The following FHOD3 variants were observed in gnomAD, a reference collection of about 807,000 sequenced individuals.
FHOD3 encodes FH1/FH2 domain-containing protein 3.
FHOD3 carries 90 observed loss-of-function variants against 173.0 expected under a neutral mutation model. That is an observed-to-expected ratio of 0.52 (90% CI 0.44 to 0.62). FHOD3 has a LOEUF of 0.62. Among genes scored for constraint, FHOD3 ranks in the 20% least tolerant of loss-of-function variants. FHOD3 has a pLI of 0.00. For synonymous variants in FHOD3, 828 were observed against 823.0 expected, an observed-to-expected ratio of 1.01 and a Z score of -0.10; for missense variants, 1,945 against 2,034.7, an observed-to-expected ratio of 0.96 and a Z score of 0.85.
intron 5 of FHOD3, among the ~76,000 whole-genome samples, chr18:36,554,830 T>C (rs1400706746): frequency 6.6e-6 from 1 of 152,242 alleles, no homozygotes; most frequent in Non-Finnish European, 1.5e-5. Flanking sequence ...CTCTAAGGAA[T>C]TTAAGCATTT....
chr18:36,566,042 A>G (rs2058251642), intron 5 of FHOD3, among the ~76,000 whole-genome samples: 1 of 152,234 alleles, frequency 6.6e-6, no homozygotes, highest in Non-Finnish European at 1.5e-5. Context: ...TACAGAACAC[A>G]TGCAACCTTA....
intron 3 of FHOD3, among the ~76,000 whole-genome samples, chr18:36,488,630 G>T (rs1292928816): frequency 1.3e-5 from 2 of 152,236 alleles, no homozygotes; most frequent in East Asian, 3.9e-4. Flanking sequence ...TCTTTACTGA[G>T]TATCTAGCTT....
At chr18:36,368,896 C>T (rs2047029570) in intron 2 of FHOD3, among the ~76,000 whole-genome samples, 1 of 152,096 alleles carries the variant, frequency 6.6e-6, no homozygotes, top group Non-Finnish European at 1.5e-5. Context: ...GATCCAATCA[C>T]CCCCCACCAG....
intron 3 of FHOD3, among the ~76,000 whole-genome samples, chr18:36,392,299 C>A (rs907775779): frequency 6.6e-6 from 1 of 152,186 alleles, no homozygotes; most frequent in Non-Finnish European, 1.5e-5. Flanking sequence ...CAATGCATAA[C>A]ACATGATGGG....
chr18:36,698,362 G>A (rs1339641234), intron 17 of FHOD3, among the ~76,000 whole-genome samples: 1 of 152,168 alleles, frequency 6.6e-6, no homozygotes, highest in African/African-American at 2.4e-5. Context: ...TCTGAAGTGT[G>A]TCTTCTTGCA....
Position 36,460,078 on chromosome 18 carries a change from CT to C in FHOD3, c.338-41851del, listed in dbSNP as rs1311830253. The stretch of plus-strand genomic sequence containing the variant: ...CTCATCATTAGAATGGGGTTATATG[CT>C]TTCTAATGTGCCATTCTCACCACAT... On this transcript the variant is annotated intron_variant, in intron 3 of 28. Coordinates refer to ENST00000590592, the MANE Select transcript of FHOD3 (RefSeq NM_001281740.3). Among the ~76,000 whole-genome samples the C allele has an allele frequency of 1.4e-4, 22 of 152,278 alleles. 1 individual carries two copies. In the South Asian group the frequency reaches 4.4e-3, roughly 30 times the overall value.
intron 5 of FHOD3, among the ~76,000 whole-genome samples, chr18:36,529,061 G>A (rs1398636019): frequency 1.3e-5 from 2 of 152,212 alleles, no homozygotes; most frequent in African/African-American, 2.4e-5. Context: ...AGGGCAGATG[G>A]CAGCATTTTC....
intron 6 of FHOD3, among the ~76,000 whole-genome samples, chr18:36,584,742 A>G (rs2058969507): frequency 6.6e-6 from 1 of 152,204 alleles, no homozygotes; most frequent in Non-Finnish European, 1.5e-5. Flanking sequence ...GTTCATGATC[A>G]GCTTGAATAA....
intron 2 of FHOD3, among the ~76,000 whole-genome samples, chr18:36,359,692 G>A (rs956113679): frequency 3.5e-4 from 54 of 152,168 alleles, no homozygotes; most frequent in African/African-American, 1.2e-3. Context: ...TAGCATAATG[G>A]TTAGGGACAC....
chr18:36,454,771 C>T (rs878912), intron 3 of FHOD3, among the ~76,000 whole-genome samples: 41,303 of 151,708 alleles, frequency 0.27, 9,132 homozygotes, highest in African/African-American at 0.58. Flanking sequence ...CCTGGCTCTT[C>T]GGCATGGGGG....
intron 5 of FHOD3, among the ~76,000 whole-genome samples, chr18:36,551,359 TG>T (rs2057646801): frequency 6.6e-6 from 1 of 152,178 alleles, no homozygotes; most frequent in Non-Finnish European, 1.5e-5. Flanking sequence ...TTGATTTTGT[TG>T]TGGCAATGCT....
chr18:36,446,616 G>A (rs549550893), intron 3 of FHOD3, among the ~76,000 whole-genome samples: 36 of 152,096 alleles, frequency 2.4e-4, no homozygotes, highest in Admixed American at 3.3e-4. Flanking sequence ...AGCTGCAGCT[G>A]GGGAGGTCAT....
chr18:36,571,879 A>C (rs1024708179), intron 5 of FHOD3, among the ~76,000 whole-genome samples: 1 of 152,254 alleles, frequency 6.6e-6, no homozygotes, highest in African/African-American at 2.4e-5. Flanking sequence ...AGGAGAAACT[A>C]CATATTTTTA....
chr18:36,576,831 G>A (rs544494493), intron 6 of FHOD3, among the ~76,000 whole-genome samples: 1 of 152,294 alleles, frequency 6.6e-6, no homozygotes, highest in South Asian at 2.1e-4. Flanking sequence ...GGCCGGGCGT[G>A]GTGGCTCACA....
At chr18:36,627,466 G>A (rs575191221) in intron 10 of FHOD3, among the ~76,000 whole-genome samples, 1 of 152,118 alleles carries the variant, frequency 6.6e-6, no homozygotes, top group African/African-American at 2.4e-5. Flanking sequence ...TCCTGGGCAC[G>A]GTTCACAGTC....
intron 5 of FHOD3, among the ~76,000 whole-genome samples, chr18:36,525,548 G>A (rs2056472413): frequency 6.6e-6 from 1 of 152,306 alleles, no homozygotes; most frequent in African/African-American, 2.4e-5. Flanking sequence ...GTTATACAGA[G>A]TTAGAAAATG....
At chr18:36,301,163 T>G (rs1472763162) in intron 1 of FHOD3, among the ~76,000 whole-genome samples, 3 of 152,150 alleles carry the variant, frequency 2.0e-5, no homozygotes, top group Non-Finnish European at 4.4e-5. Flanking sequence ...GAAGGCCCCC[T>G]CAGAGGGTCC....
At chr18:36,545,105 T>A (rs1305672496) in intron 5 of FHOD3, among the ~76,000 whole-genome samples, 1 of 152,116 alleles carries the variant, frequency 6.6e-6, no homozygotes, top group Non-Finnish European at 1.5e-5. Flanking sequence ...TCACCCTCCC[T>A]CCCTCTCCTT....
At chr18:36,550,031 A>G (rs1173553726) in intron 5 of FHOD3, among the ~76,000 whole-genome samples, 5 of 151,754 alleles carry the variant, frequency 3.3e-5, no homozygotes, top group African/African-American at 1.2e-4. Context: ...TGTGTAAACA[A>G]CTGTTCCAGC....
Sources: allele counts gnomAD v4.1 joint callset (sites outside exome capture counted in the v4.1 genomes callset), GRCh38; gene constraint gnomAD v4.1.1; transcripts MANE v1.5; gene names NCBI Gene and HGNC (gene_info 2026-07-23, HGNC 2026-07-21).